BCL2: variants seen among roughly 807,000 people sequenced by gnomAD.
BCL2 encodes apoptosis regulator Bcl-2.
Under a neutral mutation model 14.2 loss-of-function variants are expected in BCL2, and 1 was observed. The observed-to-expected ratio is 0.07, with a 90% CI of 0.02 to 0.33. The LOEUF (loss-of-function observed/expected upper bound fraction) is 0.33, where lower values mean the gene tolerates loss of function less well. BCL2 is among the 10% of genes least tolerant of loss of function. The probability of loss-of-function intolerance (pLI) is 0.99; values close to 1 mark genes in which losing one functional copy is unlikely to be tolerated. For synonymous variants in BCL2, 151 were observed against 137.2 expected, an observed-to-expected ratio of 1.10 and a Z score of -0.70; for missense variants, 247 against 305.9, an observed-to-expected ratio of 0.81 and a Z score of 1.44.
intron 2 of BCL2, among the ~76,000 whole-genome samples, chr18:63,301,106 G>A (rs1912949133): frequency 6.6e-6 from 1 of 152,170 alleles, no homozygotes; most frequent in South Asian, 2.1e-4. Flanking sequence ...AAACAAGCTA[G>A]ACACAAAAGG....
At chr18:63,300,648 C>A (rs1912938362) in intron 2 of BCL2, among the ~76,000 whole-genome samples, 1 of 152,130 alleles carries the variant, frequency 6.6e-6, no homozygotes, top group Non-Finnish European at 1.5e-5. Flanking sequence ...TACTCACTTT[C>A]CCTGAACTCT....
chr18:63,165,866 C>G (rs1163761969), intron 2 of BCL2, among the ~76,000 whole-genome samples: 2 of 152,214 alleles, frequency 1.3e-5, no homozygotes, highest in Non-Finnish European at 2.9e-5. Context: ...ATGTTGAAAA[C>G]AGAGTTCACT....
chr18:63,300,953 G>T (rs1912945877), intron 2 of BCL2, among the ~76,000 whole-genome samples: 1 of 152,166 alleles, frequency 6.6e-6, no homozygotes, highest in African/African-American at 2.4e-5. Flanking sequence ...TATTGGCTGG[G>T]TGGGGAGTGG....
At chr18:63,311,163 G>A (rs1372312074) in intron 2 of BCL2, among the ~76,000 whole-genome samples, 1 of 152,060 alleles carries the variant, frequency 6.6e-6, no homozygotes, top group Non-Finnish European at 1.5e-5. Context: ...CTAAGTTTAT[G>A]TGTCTCATGT....
At chr18:63,180,033 A>G (rs1048576583) in intron 2 of BCL2, among the ~76,000 whole-genome samples, 15 of 152,212 alleles carry the variant, frequency 9.9e-5, no homozygotes, top group Non-Finnish European at 1.9e-4. Flanking sequence ...AAGTTACAAA[A>G]GCACATGGCC....
At chr18:63,162,495 G>A (rs1182029466) in intron 2 of BCL2, among the ~76,000 whole-genome samples, 1 of 152,000 alleles carries the variant, frequency 6.6e-6, no homozygotes, top group Non-Finnish European at 1.5e-5. Context: ...ATGGTGTCAG[G>A]CCCAGCTCGG....
intron 2 of BCL2, among the ~76,000 whole-genome samples, chr18:63,152,464 C>A (rs1460653525): frequency 2.0e-5 from 3 of 152,092 alleles, no homozygotes; most frequent in Non-Finnish European, 4.4e-5. Context: ...TCGTAAATAC[C>A]TTCCCCAAAG....
chr18:63,258,752 C>T (rs547696616), intron 2 of BCL2, among the ~76,000 whole-genome samples: 2 of 152,166 alleles, frequency 1.3e-5, no homozygotes, highest in African/African-American at 4.8e-5. Flanking sequence ...TGTCTTGGCA[C>T]GTTTTGTTCA....
At chr18:63,213,160 G>A (rs1379900063) in intron 2 of BCL2, among the ~76,000 whole-genome samples, 1 of 152,166 alleles carries the variant, frequency 6.6e-6, no homozygotes, top group Non-Finnish European at 1.5e-5. Flanking sequence ...GTTGGTTTCA[G>A]ATTCTCCAAT....
chr18:63,222,289 G>GAAAAAGA (rs1910416890), intron 2 of BCL2, among the ~76,000 whole-genome samples: 1 of 119,576 alleles, frequency 8.4e-6, no homozygotes, highest in Non-Finnish European at 1.8e-5. Flanking sequence ...AAAAAAAAAA[G>GAAAAAGA]AAAAAGAAAA....
intron 2 of BCL2, among the ~76,000 whole-genome samples, chr18:63,292,833 G>C (rs1486216176): frequency 6.6e-6 from 1 of 152,226 alleles, no homozygotes; most frequent in Non-Finnish European, 1.5e-5. Flanking sequence ...CCACGCATTA[G>C]GGAAGGAGCT....
intron 2 of BCL2, among the ~76,000 whole-genome samples, chr18:63,292,245 C>T (rs1013065644): frequency 1.0e-4 from 15 of 143,082 alleles, no homozygotes; most frequent in Non-Finnish European, 1.8e-4. Context: ...AAAAAAAAAT[C>T]ATGCCCAATC....
intron 2 of BCL2, among the ~76,000 whole-genome samples, chr18:63,223,917 A>G (rs1910475517): frequency 6.6e-6 from 1 of 152,148 alleles, no homozygotes; most frequent in African/African-American, 2.4e-5. Context: ...CAGGAAAGAC[A>G]GAGTTCAAAA....
intron 2 of BCL2, among the ~76,000 whole-genome samples, chr18:63,238,710 C>T (rs1403675162): frequency 6.6e-6 from 1 of 152,224 alleles, no homozygotes; most frequent in African/African-American, 2.4e-5. Context: ...ATGCAGCCTC[C>T]ACATGTGTAT....
At chr18:63,169,389 T>TTCTTTCTTTC (rs1218834455) in intron 2 of BCL2, among the ~76,000 whole-genome samples, 5 of 40,798 alleles carry the variant, frequency 1.2e-4, no homozygotes, top group South Asian at 8.4e-4. Flanking sequence ...CTTTCTTTCT[T>TTCTTTCTTTC]TTTCTTTCTT....
At chr18:63,279,392 C>A (rs978510838) in intron 2 of BCL2, among the ~76,000 whole-genome samples, 2 of 152,232 alleles carry the variant, frequency 1.3e-5, no homozygotes, top group South Asian at 2.1e-4. Context: ...TGCATAGGCA[C>A]GTTCTAAAAG....
chr18:63,247,468 C>A (rs1446510992), intron 2 of BCL2, among the ~76,000 whole-genome samples: 1 of 151,960 alleles, frequency 6.6e-6, no homozygotes, highest in Non-Finnish European at 1.5e-5. Flanking sequence ...AAAGTGCTGG[C>A]ATTACAAGTG....
chr18:63,241,274 A>G (rs539602217), intron 2 of BCL2, among the ~76,000 whole-genome samples: 5 of 152,384 alleles, frequency 3.3e-5, no homozygotes, highest in African/African-American at 4.8e-5. Context: ...AGTGCAGAAA[A>G]CATAAATGTT....
intron 2 of BCL2, among the ~76,000 whole-genome samples, chr18:63,162,345 C>T (rs1914940786): frequency 6.6e-6 from 1 of 152,160 alleles, no homozygotes; most frequent in Non-Finnish European, 1.5e-5. Context: ...ACACCCACCC[C>T]AACCAAAACC....
Sources: allele counts gnomAD v4.1 joint callset (sites outside exome capture counted in the v4.1 genomes callset), GRCh38; gene constraint gnomAD v4.1.1; transcripts MANE v1.5; gene names NCBI Gene and HGNC (gene_info 2026-07-23, HGNC 2026-07-21).